Variants in ST3GAL4 observed in about 807,000 individuals in gnomAD.
ST3GAL4 encodes CMP-N-acetylneuraminate-beta-galactosamide-alpha-2,3-sialyltransferase 4.
A neutral mutation model predicts 42.6 loss-of-function variants in ST3GAL4; 24 were observed. The observed-to-expected ratio is 0.56, with a 90% CI of 0.41 to 0.79. ST3GAL4 has a LOEUF of 0.79. Among genes scored for constraint, ST3GAL4 ranks in the 30% least tolerant of loss-of-function variants. The probability of loss-of-function intolerance (pLI) is 0.00; values close to 1 mark genes in which losing one functional copy is unlikely to be tolerated. For synonymous variants in ST3GAL4, 135 were observed against 163.2 expected, an observed-to-expected ratio of 0.83 and a Z score of 1.32; for missense variants, 311 against 430.8, an observed-to-expected ratio of 0.72 and a Z score of 2.46.
At position 126,396,370 on chromosome 11, in the gene ST3GAL4, A is replaced by T. The variant is rs1455388182; in HGVS notation, c.-60-9726A>T. On this transcript the variant is annotated intron_variant, in intron 1 of 10. Coordinates refer to ENST00000444328, the MANE Select transcript of ST3GAL4 (RefSeq NM_001254757.2). This position sits in a 1 kb window ranked among gnomAD's most constrained non-coding sequence, Gnocchi z 5.8. ...CCGGGAGACCTGGCCTACAGCGGAG[A>T]GAGTCAGTCCATGCCAGTGGTGGGA... Among the ~76,000 whole-genome samples, 9 of 152,042 alleles carry T rather than the reference A, an allele frequency of 5.9e-5. No individual in the cohort carries two copies. Among genetic ancestry groups the T allele is most frequent in the Non-Finnish European group, 1.3e-4 (9 of 68,026 alleles).
chr11:126,412,021 G>A (rs1303701892), intron 9 of ST3GAL4, among the ~76,000 whole-genome samples: 2 of 152,110 alleles, frequency 1.3e-5, no homozygotes, highest in Non-Finnish European at 2.9e-5. Flanking sequence ...GTTCTCTTAC[G>A]ATTCTGCCTT....
intron 9 of ST3GAL4, 29 bp from the exon 10 acceptor site, chr11:126,413,476 A>G (rs1591501717): frequency 6.2e-7 from 1 of 1,611,998 alleles, no homozygotes; most frequent in Middle Eastern, 1.9e-4. Context: ...CAGGGCTCCC[A>G]CTAACACCCT....
intron 1 of ST3GAL4, among the ~76,000 whole-genome samples, chr11:126,360,704 G>T (rs1166106284): frequency 6.6e-6 from 1 of 152,192 alleles, no homozygotes; most frequent in Non-Finnish European, 1.5e-5. Flanking sequence ...TTACAGGCGT[G>T]AGCCACCGTG....
rs1163558000 is a variant in ST3GAL4 at position 126,363,255 on chromosome 11, C to T, written c.-61+7413C>T. Among the ~76,000 whole-genome samples, 2 of 152,242 alleles carry T rather than the reference C, an allele frequency of 1.3e-5. No homozygotes were observed. Among genetic ancestry groups the T allele is most frequent in the African/African-American group, 4.8e-5 (2 of 41,464 alleles). On this transcript the variant is annotated intron_variant, in intron 1 of 10. Transcript: ENST00000444328. This position sits in a 1 kb window ranked among gnomAD's most constrained non-coding sequence, Gnocchi z 4.6. ...TCTTCAATCCCTTTCTGTCTGCCTT[C>T]TCTTTCCACCCCTAGATTTCTCACC...
At chr11:126,365,656 G>A (rs1952397614) in intron 1 of ST3GAL4, among the ~76,000 whole-genome samples, 1 of 152,250 alleles carries the variant, frequency 6.6e-6, no homozygotes, top group Admixed American at 6.5e-5. Flanking sequence ...TATGGGTGCA[G>A]ATGACCCTGA....
intron 1 of ST3GAL4, among the ~76,000 whole-genome samples, chr11:126,368,171 C>T (rs1006940164): frequency 6.6e-6 from 1 of 150,940 alleles, no homozygotes; most frequent in Non-Finnish European, 1.5e-5. Flanking sequence ...AGATTATGCA[C>T]AGCACCTGCA....
chr11:126,367,038 TGTGGGGG>T (rs2135392876), intron 1 of ST3GAL4, among the ~76,000 whole-genome samples: 1 of 152,088 alleles, frequency 6.6e-6, no homozygotes, highest in Admixed American at 6.5e-5. Context: ...TCTGCTCAGG[TGTGGGGG>T]GCCTGCCTGT....
chr11:126,382,560 T>C (rs1475847681), intron 1 of ST3GAL4, among the ~76,000 whole-genome samples: 1 of 151,972 alleles, frequency 6.6e-6, no homozygotes, highest in Non-Finnish European at 1.5e-5. Context: ...GAGGAGGCGC[T>C]GGCCAGGACC....
At chr11:126,387,699 T>C (rs2135466878) in intron 1 of ST3GAL4, among the ~76,000 whole-genome samples, 1 of 151,458 alleles carries the variant, frequency 6.6e-6, no homozygotes, top group East Asian at 1.9e-4. Context: ...ATTATAAAGG[T>C]AAGCAGTACA....
chr11:126,384,793 C>T lies in ST3GAL4; in HGVS notation c.-60-21303C>T. 5.1e-6 allele frequency: 5 copies of T among 985,414 alleles called. No individual in the cohort carries two copies. Among genetic ancestry groups the T allele is most frequent in the Non-Finnish European group, 6.0e-6 (5 of 829,926 alleles). The allele number at this position is 985,414 out of a possible 1,614,324, so 61.0% of individuals were successfully genotyped here. A position where few individuals can be genotyped will look rare whatever the true frequency, so the allele number is the denominator to read the frequency against. ...CAGGACAGAGTGGGAGTGGCAGTGC[C>T]TCTGCCTGTCTCCCTGGCCGTGGCA... On this transcript the variant is annotated intron_variant, in intron 1 of 10. Coordinates refer to ENST00000444328, the MANE Select transcript of ST3GAL4 (RefSeq NM_001254757.2). This position sits in a 1 kb window ranked among gnomAD's most constrained non-coding sequence, Gnocchi z 5.5.
intron 1 of ST3GAL4, among the ~76,000 whole-genome samples, chr11:126,394,096 A>C (rs561573210): frequency 6.6e-6 from 1 of 152,360 alleles, no homozygotes; most frequent in African/African-American, 2.4e-5. Flanking sequence ...TTCTCACAGC[A>C]GGCATCTGGG....
At chr11:126,412,537 C>T (rs923967759) in intron 9 of ST3GAL4, among the ~76,000 whole-genome samples, 2 of 152,220 alleles carry the variant, frequency 1.3e-5, no homozygotes, top group Non-Finnish European at 2.9e-5. Context: ...GGGAAAGGTA[C>T]TGCTGTCCTG....
intron 1 of ST3GAL4, among the ~76,000 whole-genome samples, chr11:126,401,483 C>T (rs1953987693): frequency 6.6e-6 from 1 of 151,622 alleles, no homozygotes; most frequent in Non-Finnish European, 1.5e-5. Flanking sequence ...ATCACTTGAA[C>T]CTACAAGGCA....
chr11:126,413,698 C>T (rs753768908), intron 10 of ST3GAL4, 50 bp downstream of exon 10: 1 of 1,606,400 alleles, frequency 6.2e-7, no homozygotes, highest in Non-Finnish European at 8.5e-7. Flanking sequence ...GACGGGCAGA[C>T]AGTCAGAGGG....
rs1000178578 is a variant in ST3GAL4, at chr11:126,408,492, A to C, written c.623A>C (p.Lys208Thr). ...ATTGAGACCATCCTGAGTGATAAGA[A>C]GCGGGTAAGTTGGGGGACAGACTGG... ...HWIETILSDK[K>T]RVRKGFWKQP... Residue 208 changes from lysine to threonine, a missense_variant, in exon 8 of 11, where the codon AAG becomes ACG. Transcript: ENST00000444328. The C allele has an allele frequency of 1.2e-6, 2 of 1,614,024 alleles. No homozygotes were observed. Among genetic ancestry groups the C allele is most frequent in the African/African-American group, 2.7e-5 (2 of 74,934 alleles).
chr11:126,356,556 C>G (rs1952071865), intron 1 of ST3GAL4, among the ~76,000 whole-genome samples: 1 of 152,236 alleles, frequency 6.6e-6, no homozygotes, highest in Non-Finnish European at 1.5e-5. Context: ...TGGGGGGAGG[C>G]TCTGTCTGGG....
intron 1 of ST3GAL4, among the ~76,000 whole-genome samples, chr11:126,371,599 C>T (rs1238738655): frequency 6.6e-6 from 1 of 152,180 alleles, no homozygotes; most frequent in African/African-American, 2.4e-5. Flanking sequence ...CCCAGTTGAC[C>T]TGTATGGATT....
chr11:126,356,161 C>T (rs1441048845), intron 1 of ST3GAL4: 1 of 152,582 alleles, frequency 6.6e-6, no homozygotes, highest in Non-Finnish European at 1.5e-5. Flanking sequence ...CGGCCCCCAC[C>T]TCCAGCATCC....
rs986057242 is a variant in ST3GAL4 at position 126,384,125 on chromosome 11, T to C, written c.-60-21971T>C. Among the ~76,000 whole-genome samples, 2 of 152,172 alleles carry C rather than the reference T, an allele frequency of 1.3e-5. No homozygotes were observed. Among genetic ancestry groups the C allele is most frequent in the Non-Finnish European group, 2.9e-5 (2 of 68,018 alleles). On this transcript the variant is annotated intron_variant, in intron 1 of 10. Transcript: ENST00000444328. The surrounding 1 kb of genome is among the most constrained non-coding windows in gnomAD (Gnocchi z 5.5). Reference sequence around the variant, plus strand: ...GGCTCCTAATGGGACTAATGGGATTTCAGGTGTGGACCCTTGGACCCTCCG... The same window carrying C: ...GGCTCCTAATGGGACTAATGGGATTCCAGGTGTGGACCCTTGGACCCTCCG...
Sources: allele counts gnomAD v4.1 joint callset (sites outside exome capture counted in the v4.1 genomes callset), GRCh38; gene constraint gnomAD v4.1.1; non-coding constraint Gnocchi (gnomAD v3.1); transcripts MANE v1.5; gene names NCBI Gene and HGNC (gene_info 2026-07-23, HGNC 2026-07-21).